HERC1: variants seen among roughly 807,000 people sequenced by gnomAD.
The protein encoded by HERC1 is probable E3 ubiquitin-protein ligase HERC1.
Under a neutral mutation model 554.3 loss-of-function variants are expected in HERC1, and 160 were observed. That is an observed-to-expected ratio of 0.29 (90% CI 0.25 to 0.33). HERC1 has a LOEUF of 0.33. Ranked by LOEUF, HERC1 falls within the 10% of genes least tolerant of loss-of-function variation. The pLI is 1.00. For synonymous variants in HERC1, 2,175 were observed against 2,131.7 expected (o/e 1.02, Z -0.56); for missense variants, 4,919 against 5,918.5 (o/e 0.83, Z 5.54).
chr15:63,688,042 A>T (rs2071880432), intron 33 of HERC1, among the ~76,000 whole-genome samples: 1 of 152,218 alleles, frequency 6.6e-6, no homozygotes, highest in Non-Finnish European at 1.5e-5. Context: ...ACATGCTCTG[A>T]TTTACAATTT....
At chr15:63,646,540 G>A (rs1365445058) in intron 55 of HERC1, among the ~76,000 whole-genome samples, 2 of 150,800 alleles carry the variant, frequency 1.3e-5, no homozygotes, top group African/African-American at 2.4e-5. Context: ...CGTGGCTCAC[G>A]CCCGTAATCC....
chr15:63,762,511 G>A (rs1286459688), intron 3 of HERC1, among the ~76,000 whole-genome samples: 1 of 152,044 alleles, frequency 6.6e-6, no homozygotes, highest in South Asian at 2.1e-4. Flanking sequence ...TTTTAATAGA[G>A]ACTAGGTTTC....
chr15:63,793,532 C>G (rs920235547), intron 1 of HERC1, among the ~76,000 whole-genome samples: 5 of 152,160 alleles, frequency 3.3e-5, no homozygotes, highest in African/African-American at 9.7e-5. Context: ...CCAGAAAACT[C>G]ATGAATAATT....
rs749916084 is a variant in HERC1 at position 63,663,044 on chromosome 15, C to G, written c.8841G>C (p.Leu2947=). 17 of 1,613,880 alleles carry G rather than the reference C, an allele frequency of 1.1e-5. No homozygotes were observed. The highest frequency in any genetic ancestry group is 5.9e-6 in the Non-Finnish European group (7 of 1,179,892). ...TTCCCAGAATATCATTGTCACTGGT[C>G]AGGTCTTGTCCAAACATAGCTTCCA... ...EAMEAMFGQD[L]TSDNDILGMW... is the part of the protein sequence containing the mutation. The change falls in exon 44 of 78, where the codon CTG becomes CTC. Residue 2947 remains leucine (L), a synonymous_variant. Transcript: ENST00000443617.
At chr15:63,663,287 G>A in intron 43 of HERC1, 83 bp from the exon 44 acceptor site, 2 of 1,119,918 alleles carry the variant, frequency 1.8e-6, no homozygotes, top group Non-Finnish European at 2.7e-6. Flanking sequence ...TGCCATACAT[G>A]TAGGTGAGAA....
At chr15:63,770,315 C>G (rs1286584238) in intron 2 of HERC1, among the ~76,000 whole-genome samples, 1 of 152,196 alleles carries the variant, frequency 6.6e-6, no homozygotes, top group Admixed American at 6.5e-5. Context: ...GCCTCCCGCC[C>G]TCTTCTTTCA....
At chr15:63,685,361 T>C (rs577897572) in intron 34 of HERC1, among the ~76,000 whole-genome samples, 3 of 152,272 alleles carry the variant, frequency 2.0e-5, no homozygotes, top group Non-Finnish European at 4.4e-5. Context: ...CTGCCTATTA[T>C]ATGTTCTGAT....
At chr15:63,662,133 A>C (rs1005506327) in intron 44 of HERC1, 112 bp from the exon 45 acceptor site, 1 of 1,132,758 alleles carries the variant, frequency 8.8e-7, no homozygotes, top group Non-Finnish European at 1.2e-6. Flanking sequence ...GAATATTTCC[A>C]ACATGTTCAT....
intron 1 of HERC1, among the ~76,000 whole-genome samples, chr15:63,813,957 G>A (rs1051401913): frequency 2.0e-5 from 3 of 152,244 alleles, no homozygotes; most frequent in Admixed American, 2.0e-4. Flanking sequence ...TACTTGGGAG[G>A]CTGAGGCAGG....
chr15:63,725,457 A>G lies in HERC1; in HGVS notation c.3403T>C (p.Trp1135Arg). 1 of 1,613,998 alleles carries G rather than the reference A, an allele frequency of 6.2e-7. No homozygotes were observed. The highest frequency in any genetic ancestry group is 8.5e-7 in the Non-Finnish European group (1 of 1,179,882). The change falls in exon 18 of 78, where the codon TGG (tryptophan) becomes CGG (arginine). Residue 1135 changes from tryptophan (W) to arginine (R), a missense_variant. By Grantham distance (101) the Trp-to-Arg change is moderately radical (BLOSUM62 -3). Coordinates refer to ENST00000443617, the MANE Select transcript of HERC1 (RefSeq NM_003922.4). ...GLPLPQPAQS[W>R]VWLVDLERTI... ...CTTTCTAGATCCACAAGCCATACCC[A>G]GGACTGAGCTGGCTGAGGTAATGGC...
chr15:63,646,680 C>A (rs184696226), intron 55 of HERC1, among the ~76,000 whole-genome samples: 1 of 150,714 alleles, frequency 6.6e-6, no homozygotes, highest in East Asian at 2.0e-4. Flanking sequence ...TGGTGGCGGG[C>A]GCCTGTAATC....
chr15:63,832,203 C>T (rs1328262517), intron 1 of HERC1, among the ~76,000 whole-genome samples: 4 of 152,106 alleles, frequency 2.6e-5, no homozygotes, highest in African/African-American at 7.2e-5. Context: ...GCTATCTTTT[C>T]TCAAATAATA....
chr15:63,749,692 C>A lies in HERC1; in HGVS notation c.2002G>T (p.Val668Phe). The change falls in exon 9 of 78, where the codon GTT becomes TTT. Residue 668 changes from valine to phenylalanine, a missense_variant. Val to Phe is a conservative substitution (Grantham distance 50, BLOSUM62 -1). This residue lies in a region of HERC1 where 744 missense variants were observed against 1,090.0 expected (regional missense o/e 0.68). Coordinates refer to ENST00000443617, the MANE Select transcript of HERC1 (RefSeq NM_003922.4). This position sits in a 1 kb window ranked among gnomAD's most constrained non-coding sequence, Gnocchi z 4.1. Reference protein sequence around the residue: ...LIEELAATRIVDVSIGDSHCL... With the variant: ...LIEELAATRIFDVSIGDSHCL... ...TGACTGTCTCCAATAGAAACATCAA[C>A]TATTCTTGTGGCAGCCAGTTCTTCA... 1.3e-6 allele frequency: 2 copies of A among 1,594,394 alleles called. No homozygotes were observed. Among genetic ancestry groups the A allele is most frequent in the Non-Finnish European group, 1.7e-6 (2 of 1,169,560 alleles).
chr15:63,680,468 A>G lies in HERC1; in HGVS notation c.6465+69T>C, dbSNP rs1008486442. The G allele has an allele frequency of 6.6e-7, 1 of 1,518,538 alleles. No homozygotes were observed. Among genetic ancestry groups the G allele is most frequent in the Non-Finnish European group, 8.9e-7 (1 of 1,118,918 alleles). The allele number at this position is 1,518,538 out of a possible 1,614,324, so 94.1% of individuals were successfully genotyped here. ...ATAATCTATAAACTGAATACGTGGC[A>G]CTTGAATAACCGAGTTGACTATAAA... On this transcript the variant is annotated intron_variant, in intron 35 of 77. Transcript: ENST00000443617. The surrounding 1 kb of genome is among the most constrained non-coding windows in gnomAD (Gnocchi z 5.8).
Position 63,666,281 on chromosome 15 carries a change from T to C in HERC1, c.8323+75A>G. 4 of 1,398,942 alleles carry C rather than the reference T, an allele frequency of 2.9e-6. No homozygotes were observed. In the South Asian group the frequency reaches 4.9e-5, roughly 17 times the overall value. 86.7% of individuals were successfully genotyped at this position (1,398,942 alleles called of 1,614,324 possible). A position where few individuals can be genotyped will look rare whatever the true frequency, so the allele number is the denominator to read the frequency against. ...AAATCTTACCAAGTTTCATAGCCTC[T>C]TAAAAGTTATGTTGTCTTTAATAAG... On this transcript the variant is annotated intron_variant, in intron 41 of 77. Coordinates refer to ENST00000443617, the MANE Select transcript of HERC1 (RefSeq NM_003922.4).
chr15:63,666,130 C>T lies in HERC1; in HGVS notation c.8344G>A (p.Ala2782Thr). The T allele has an allele frequency of 1.9e-6, 3 of 1,613,300 alleles. No individual in the cohort carries two copies. The highest frequency in any genetic ancestry group is 2.5e-6 in the Non-Finnish European group (3 of 1,179,494). The change falls in exon 42 of 78, where the codon GCC (alanine) becomes ACC (threonine). Residue 2782 changes from alanine to threonine, a missense_variant. Transcript: ENST00000443617. ...ATGGCAAGGACAGTGATATTCTGGG[C>T]ATCAGCCTCTCCCCTAGCACCTATA... ...EATGARGEAD[A>T]QNITVLAMWM...
chr15:63,706,456 T>C (rs183049827), intron 25 of HERC1, among the ~76,000 whole-genome samples: 1 of 152,302 alleles, frequency 6.6e-6, no homozygotes, highest in East Asian at 1.9e-4. Context: ...ATAACCCCTT[T>C]CCATCATAAT....
rs1335053386 is a variant in HERC1 at position 63,758,086 on chromosome 15, T to C, written c.1221+89A>G. 1 of 918,772 alleles carries C rather than the reference T, an allele frequency of 1.1e-6. No homozygotes were observed. The highest frequency in any genetic ancestry group is 1.6e-6 in the Non-Finnish European group (1 of 613,784). The allele number at this position is 918,772 out of a possible 1,614,324, so 56.9% of individuals were successfully genotyped here. A position where few individuals can be genotyped will look rare whatever the true frequency, so the allele number is the denominator to read the frequency against. ...AATAACCATCGATAATTTTCACTCA[T>C]TTAAAAAATACTCAGTATTATTTAA... is the stretch of plus-strand genomic sequence containing the variant. On this transcript the variant is annotated intron_variant, in intron 4 of 77. Transcript: ENST00000443617. This position sits in a 1 kb window ranked among gnomAD's most constrained non-coding sequence, Gnocchi z 4.0.
At chr15:63,687,758 A>C (rs1426123857) in intron 33 of HERC1, among the ~76,000 whole-genome samples, 1 of 152,198 alleles carries the variant, frequency 6.6e-6, no homozygotes, top group Non-Finnish European at 1.5e-5. Context: ...GTGACACGAC[A>C]AAGAGTGTGT....
Sources: gnomAD v4.1 joint callset for allele counts (sites outside exome capture counted in the v4.1 genomes callset) on GRCh38, gnomAD v4.1.1 for gene constraint, gnomAD v4.1.1 regional missense constraint, Gnocchi (gnomAD v3.1) non-coding constraint, MANE v1.5 for transcripts, NCBI Gene and HGNC (gene_info 2026-07-23, HGNC 2026-07-21) for gene names.